The following PDZD2 variants were observed in gnomAD, a reference collection of about 807,000 sequenced individuals.
The protein encoded by PDZD2 is PDZ domain-containing protein 2.
PDZD2 carries 90 observed loss-of-function variants against 220.7 expected under a neutral mutation model. The ratio of observed to expected loss-of-function variants is 0.41; its 90% CI spans 0.34 to 0.49. The LOEUF (loss-of-function observed/expected upper bound fraction) is 0.49. PDZD2 is among the 20% of genes least tolerant of loss of function. The pLI, the probability that PDZD2 is intolerant of heterozygous loss-of-function variation, is 0.28. For synonymous variants in PDZD2, 1,375 were observed against 1,450.5 expected (o/e 0.95, Z 1.18); for missense variants, 3,174 against 3,608.5 (o/e 0.88, Z 3.08).
chr5:32,064,742 T>C (rs1172250168), intron 14 of PDZD2, among the ~76,000 whole-genome samples: 1 of 150,754 alleles, frequency 6.6e-6, no homozygotes, highest in African/African-American at 2.4e-5. Flanking sequence ...CCAAGGTGGG[T>C]GGATCACTTG....
At chr5:31,903,644 C>CAAAAA (rs59822169) in intron 2 of PDZD2, among the ~76,000 whole-genome samples, 3 of 99,716 alleles carry the variant, frequency 3.0e-5, no homozygotes, top group Admixed American at 1.1e-4. Flanking sequence ...GACCCTGTCT[C>CAAAAA]AAAAAAAAAA....
Position 31,995,560 on chromosome 5 carries a change from CA to C in PDZD2, c.979-15del. On this transcript the variant is annotated splice_polypyrimidine_tract_variant and intron_variant, in intron 3 of 24. Transcript: ENST00000438447. Reference sequence around the variant, plus strand: ...CTGTCAACCTCCTTCATGGTGTGCTCACTTTTTCTTCCAAGGAGGAAGTTGG... The same window carrying C: ...CTGTCAACCTCCTTCATGGTGTGCTCCTTTTTCTTCCAAGGAGGAAGTTGG... 1 of 1,614,034 alleles carries C rather than the reference CA, an allele frequency of 6.2e-7. No homozygotes were observed. Among genetic ancestry groups the C allele is most frequent in the South Asian group, 1.1e-5 (1 of 91,070 alleles).
chr5:31,988,907 C>T (rs962118549), intron 3 of PDZD2, among the ~76,000 whole-genome samples: 3 of 152,184 alleles, frequency 2.0e-5, no homozygotes, highest in South Asian at 2.1e-4. Context: ...ACATTCCTGC[C>T]GCCTGCTCTG....
chr5:31,804,521 A>C (rs1754598093), intron 2 of PDZD2, among the ~76,000 whole-genome samples: 1 of 152,186 alleles, frequency 6.6e-6, no homozygotes, highest in East Asian at 1.9e-4. Context: ...TCCATAAAGG[A>C]CAGCCTTTGA....
chr5:31,659,342 T>G (rs1745676800), intron 1 of PDZD2, among the ~76,000 whole-genome samples: 1 of 152,062 alleles, frequency 6.6e-6, no homozygotes, highest in Non-Finnish European at 1.5e-5. Context: ...ACTGATCACT[T>G]CCAGATCTGT....
rs552444343 is a variant in PDZD2, at chr5:31,851,059, C to T, written c.476+51335C>T. On this transcript the variant is annotated intron_variant, in intron 2 of 24. Coordinates refer to ENST00000438447, the MANE Select transcript of PDZD2 (RefSeq NM_178140.4). Reference sequence around the variant, plus strand: ...AGTAGGAAAAGGCTGTTAAGTTTGCCTTTAGGCACTTTTTTTTCACTCTAG... The same window carrying T: ...AGTAGGAAAAGGCTGTTAAGTTTGCTTTTAGGCACTTTTTTTTCACTCTAG... Among the ~76,000 whole-genome samples, 16 of 152,218 alleles carry T rather than the reference C, an allele frequency of 1.1e-4. No individual in the cohort carries two copies. The South Asian group carries it at 2.9e-3, about 28-fold the overall frequency.
At position 31,862,242 on chromosome 5, in the gene PDZD2, C is replaced by T. The variant is rs1375422596; in HGVS notation, c.476+62518C>T. Among the ~76,000 whole-genome samples, 6 of 150,990 alleles carry T rather than the reference C, an allele frequency of 4.0e-5. 1 individual carries two copies. The South Asian group carries it at 6.3e-4, about 16-fold the overall frequency. ...GCCTCAGCCTCCCAAGTAGCTGAGA[C>T]TACAGGTGTGCTCCACCACACCCGG... On this transcript the variant is annotated intron_variant, in intron 2 of 24. Coordinates refer to ENST00000438447, the MANE Select transcript of PDZD2 (RefSeq NM_178140.4).
At chr5:31,753,894 A>G (rs1371756368) in intron 1 of PDZD2, among the ~76,000 whole-genome samples, 2 of 152,206 alleles carry the variant, frequency 1.3e-5, no homozygotes, top group African/African-American at 4.8e-5. Context: ...TGCTTCTCCT[A>G]CAAGGAGGAT....
rs775313147 is a variant in PDZD2 at position 32,090,092 on chromosome 5, C to A, written c.6644C>A (p.Thr2215Asn). The A allele has an allele frequency of 5.6e-6, 9 of 1,613,854 alleles. No individual in the cohort carries two copies. The Admixed American group carries it at 8.3e-5, about 15-fold the overall frequency. ...TCGGGGGAGGACCATCTCTACTTCA[C>A]CCCAAGGCCAGCGACCAGGACCTAC... ...GPSGEDHLYFTPRPATRTYSM... is the reference protein window; with the variant it reads ...GPSGEDHLYFNPRPATRTYSM... Residue 2215 changes from threonine to asparagine, a missense_variant, in exon 20 of 25, where the codon ACC becomes AAC. Around this residue, in one of 4 missense-constraint regions of PDZD2, gnomAD observed 631 missense variants for 789.9 expected, o/e 0.80. Coordinates refer to ENST00000438447, the MANE Select transcript of PDZD2 (RefSeq NM_178140.4). The surrounding 1 kb of genome is among the most constrained non-coding windows in gnomAD (Gnocchi z 4.3).
chr5:31,756,876 G>T (rs1426027899), intron 1 of PDZD2, among the ~76,000 whole-genome samples: 3 of 152,262 alleles, frequency 2.0e-5, no homozygotes, highest in Non-Finnish European at 4.4e-5. Flanking sequence ...GTGCTATGAG[G>T]AATCCAGTTA....
At chr5:31,690,853 CT>C (rs1231600541) in intron 1 of PDZD2, among the ~76,000 whole-genome samples, 1 of 152,212 alleles carries the variant, frequency 6.6e-6, no homozygotes, top group Admixed American at 6.5e-5. Flanking sequence ...TGGGGGGCCA[CT>C]GTCCAGCCCA....
intron 2 of PDZD2, among the ~76,000 whole-genome samples, chr5:31,802,179 C>G (rs745940412): frequency 6.6e-6 from 1 of 152,026 alleles, no homozygotes; most frequent in Non-Finnish European, 1.5e-5. Context: ...TAGCAACTAG[C>G]TTTGGGACCC....
chr5:32,058,489 C>T (rs61388701), intron 12 of PDZD2, among the ~76,000 whole-genome samples: 2,918 of 147,424 alleles, frequency 0.02, 90 homozygotes, highest in African/African-American at 0.068. Flanking sequence ...CCCAACATGG[C>T]GAAACCCCGT....
At chr5:31,989,422 T>TTTTTTTTTTTTTTTTTA (rs2111920674) in intron 3 of PDZD2, among the ~76,000 whole-genome samples, 1 of 116,298 alleles carries the variant, frequency 8.6e-6, no homozygotes, top group African/African-American at 3.7e-5. Flanking sequence ...TTTTCTTTTC[T>TTTTTTTTTTTTTTTTTA]TTTTTTTTTT....
At chr5:31,733,449 G>A (rs774814866) in intron 1 of PDZD2, among the ~76,000 whole-genome samples, 10 of 152,072 alleles carry the variant, frequency 6.6e-5, no homozygotes, top group South Asian at 4.2e-4. Flanking sequence ...CTCAATCCAC[G>A]TGCTGCGTGT....
intron 2 of PDZD2, among the ~76,000 whole-genome samples, chr5:31,930,446 G>A (rs1033648337): frequency 9.2e-5 from 14 of 151,814 alleles, no homozygotes; most frequent in East Asian, 2.0e-4. Context: ...TGATCCGCCC[G>A]CCTCGGCCTC....
chr5:31,814,303 TAG>T lies in PDZD2; in HGVS notation c.476+14582_476+14583del, dbSNP rs1208030657. Among the ~76,000 whole-genome samples the T allele has an allele frequency of 2.6e-5, 4 of 152,174 alleles. No individual in the cohort carries two copies. The East Asian group carries it at 7.7e-4, about 29-fold the overall frequency. On this transcript the variant is annotated intron_variant, in intron 2 of 24. Transcript: ENST00000438447. ...AAAGAGTCAAACTTTGTAAAATATT[TAG>T]AGTTTTATTCTGAGCCAAATATGAG...
At chr5:31,866,144 G>A (rs962733814) in intron 2 of PDZD2, among the ~76,000 whole-genome samples, 3 of 151,854 alleles carry the variant, frequency 2.0e-5, no homozygotes, top group African/African-American at 7.3e-5. Context: ...GACTGCAGGC[G>A]GGGGCCGTCA....
At chr5:31,763,291 A>G (rs1751765313) in intron 1 of PDZD2, among the ~76,000 whole-genome samples, 1 of 152,188 alleles carries the variant, frequency 6.6e-6, no homozygotes, top group African/African-American at 2.4e-5. Context: ...TCAGGCGGTC[A>G]GGATGACAGT....
Sources: allele counts gnomAD v4.1 joint callset (sites outside exome capture counted in the v4.1 genomes callset), GRCh38; gene constraint gnomAD v4.1.1; regional missense constraint gnomAD v4.1.1; non-coding constraint Gnocchi (gnomAD v3.1); transcripts MANE v1.5; gene names NCBI Gene and HGNC (gene_info 2026-07-23, HGNC 2026-07-21).